Variants in PRTFDC1 observed in about 807,000 individuals in gnomAD.
PRTFDC1 encodes phosphoribosyltransferase domain-containing protein 1.
PRTFDC1 carries 38 observed loss-of-function variants against 34.6 expected under a neutral mutation model. That is an observed-to-expected ratio of 1.10 (90% CI 0.85 to 1.44). The LOEUF (loss-of-function observed/expected upper bound fraction) is 1.44. PRTFDC1 is among the 40% of genes most tolerant of loss of function. The pLI, the probability that PRTFDC1 is intolerant of heterozygous loss-of-function variation, is 0.00. For missense variants in PRTFDC1, 270 were observed against 283.0 expected (o/e 0.95, Z 0.33); for synonymous variants, 93 against 98.1 (o/e 0.95, Z 0.31).
intron 3 of PRTFDC1, among the ~76,000 whole-genome samples, chr10:24,881,787 C>T (rs1848083055): frequency 6.6e-6 from 1 of 152,126 alleles, no homozygotes; most frequent in Non-Finnish European, 1.5e-5. Flanking sequence ...CACCGACCAC[C>T]GTTTTGCACT....
In PRTFDC1 at chr10:24,872,020, T is replaced by C. The variant is rs147688578; in HGVS notation, c.383A>G (p.Asp128Gly). 2.0e-4 allele frequency: 318 copies of C among 1,612,324 alleles called. No individual in the cohort carries two copies. Among genetic ancestry groups the C allele is most frequent in the Non-Finnish European group, 1.6e-4 (192 of 1,178,584 alleles). ...MGEMQIIGGDDLSTLAGKNVL... is the reference protein window; with the variant it reads ...MGEMQIIGGDGLSTLAGKNVL... ...AACCTTTCCAGCCAGCGTTGAAAGATCATCGCCTCCGATTATCTGCATCTC... is the reference window on the plus strand; with the variant it reads ...AACCTTTCCAGCCAGCGTTGAAAGACCATCGCCTCCGATTATCTGCATCTC... The change falls in exon 4 of 9, where the codon GAT (aspartate) becomes GGT (glycine). Residue 128 changes from aspartate to glycine, a missense_variant. Physicochemically the swap from Asp to Gly is moderately conservative, Grantham distance 94. Transcript: ENST00000320152.
Position 24,906,887 on chromosome 10 carries a change from G to A in PRTFDC1, c.339+30297C>T, listed in dbSNP as rs1168133929. Among the ~76,000 whole-genome samples the A allele has an allele frequency of 3.3e-5, 5 of 152,278 alleles. No homozygotes were observed. In the South Asian group the frequency reaches 1.0e-3, roughly 32 times the overall value. On this transcript the variant is annotated intron_variant, in intron 3 of 8. Coordinates refer to ENST00000320152, the MANE Select transcript of PRTFDC1 (RefSeq NM_020200.7). ...GGGAGAAATGGACAAGCTGTCAGGA[G>A]GCTGTGGCACTGTTATTGGCTTTAC...
At chr10:24,900,868 A>T (rs1848439012) in intron 3 of PRTFDC1, among the ~76,000 whole-genome samples, 1 of 152,202 alleles carries the variant, frequency 6.6e-6, no homozygotes, top group Admixed American at 6.5e-5. Context: ...TAAAGCTTGT[A>T]CCTAAAAAGG....
chr10:24,924,051 C>T (rs1588616534), intron 3 of PRTFDC1, among the ~76,000 whole-genome samples: 1 of 152,008 alleles, frequency 6.6e-6, no homozygotes, highest in East Asian at 1.9e-4. Context: ...GAAACGATAT[C>T]AGTGATTGAA....
Position 24,908,791 on chromosome 10 carries a change from C to T in PRTFDC1, c.339+28393G>A. On this transcript the variant is annotated intron_variant, in intron 3 of 8. Transcript: ENST00000320152. ...GCGATCAATGGGGTGACTGATGCCA[C>T]AGCCAGATAGCCCTCACATCCCCCT... 2.1e-6 allele frequency: 3 copies of T among 1,422,780 alleles called. No homozygotes were observed. The South Asian group carries it at 4.5e-5, about 21-fold the overall frequency. 88.1% of individuals were successfully genotyped at this position (1,422,780 alleles called of 1,614,324 possible).
At chr10:24,875,561 T>C (rs1346654988) in intron 3 of PRTFDC1, among the ~76,000 whole-genome samples, 2 of 152,230 alleles carry the variant, frequency 1.3e-5, no homozygotes, top group African/African-American at 4.8e-5. Flanking sequence ...CTTTCATGTA[T>C]ATACATGTTT....
chr10:24,942,950 T>A (rs1470977321), intron 1 of PRTFDC1, among the ~76,000 whole-genome samples: 1 of 152,070 alleles, frequency 6.6e-6, no homozygotes, highest in East Asian at 1.9e-4. Context: ...ACCTGGCCTA[T>A]CATACAATAA....
chr10:24,911,833 C>T (rs998580081), intron 3 of PRTFDC1, among the ~76,000 whole-genome samples: 2 of 151,570 alleles, frequency 1.3e-5, no homozygotes, highest in African/African-American at 4.9e-5. Context: ...CGTCACCGCA[C>T]TCCAGCCTGG....
chr10:24,859,001 C>A (rs998992792), intron 4 of PRTFDC1, among the ~76,000 whole-genome samples: 12 of 152,156 alleles, frequency 7.9e-5, no homozygotes, highest in Non-Finnish European at 1.3e-4. Context: ...ATTCCTCTAC[C>A]TCTCCCCTAA....
intron 3 of PRTFDC1, among the ~76,000 whole-genome samples, chr10:24,917,029 C>T: frequency 6.6e-6 from 1 of 152,186 alleles, no homozygotes; most frequent in East Asian, 1.9e-4. Flanking sequence ...GGCTCTGTCC[C>T]CTTCCCCTTT....
At chr10:24,903,707 C>CTTTTTTTTT (rs112008221) in intron 3 of PRTFDC1, among the ~76,000 whole-genome samples, 78 of 142,630 alleles carry the variant, frequency 5.5e-4, no homozygotes, top group African/African-American at 1.9e-3. Context: ...AAGTTGTATT[C>CTTTTTTTTT]TTTTTTTTTT....
rs539607394 is a variant in PRTFDC1 at position 24,864,462 on chromosome 10, T to C, written c.406-6053A>G. 5.9e-5 allele frequency among the ~76,000 whole-genome samples: 9 copies of C among 152,230 alleles called. No homozygotes were observed. In the East Asian group the frequency reaches 1.7e-3, roughly 29 times the overall value. On this transcript the variant is annotated intron_variant, in intron 4 of 8. Coordinates refer to ENST00000320152, the MANE Select transcript of PRTFDC1 (RefSeq NM_020200.7). ...AATTGCTACAGCCACCCCAACCTTC[T>C]GAAGCACCCACCAGCCTGATCAGTC... is the stretch of plus-strand genomic sequence containing the variant.
intron 3 of PRTFDC1, among the ~76,000 whole-genome samples, chr10:24,880,669 AT>A (rs1475913454): frequency 6.6e-6 from 1 of 152,156 alleles, no homozygotes; most frequent in African/African-American, 2.4e-5. Flanking sequence ...CAATCTATTG[AT>A]TGGCTATCAC....
chr10:24,893,980 G>A (rs1848306233), intron 3 of PRTFDC1, among the ~76,000 whole-genome samples: 1 of 152,196 alleles, frequency 6.6e-6, no homozygotes, highest in South Asian at 2.1e-4. Flanking sequence ...GGCAGAGGAG[G>A]TGCAGAAACT....
chr10:24,921,519 A>C (rs1848787654), intron 3 of PRTFDC1, among the ~76,000 whole-genome samples: 2 of 152,120 alleles, frequency 1.3e-5, no homozygotes, highest in African/African-American at 4.8e-5. Flanking sequence ...CATTTTTAGC[A>C]AAAGTACTGC....
intron 3 of PRTFDC1, among the ~76,000 whole-genome samples, chr10:24,928,047 T>C (rs751116481): frequency 1.3e-5 from 2 of 152,214 alleles, no homozygotes; most frequent in Non-Finnish European, 2.9e-5. Context: ...CAAATCAAGA[T>C]GCATCTTACA....
intron 2 of PRTFDC1, 79 bp from the exon 3 acceptor site, chr10:24,937,446 T>C (rs1193755564): frequency 1.5e-6 from 2 of 1,295,928 alleles, no homozygotes; most frequent in South Asian, 1.5e-5. Flanking sequence ...GCAAGATGTA[T>C]TGTACGTATT....
At chr10:24,893,956 T>G (rs1209984768) in intron 3 of PRTFDC1, among the ~76,000 whole-genome samples, 3 of 152,294 alleles carry the variant, frequency 2.0e-5, no homozygotes, top group Admixed American at 1.3e-4. Flanking sequence ...TCTATTGGAA[T>G]GTACTTGGGT....
chr10:24,902,649 G>C (rs528417495), intron 3 of PRTFDC1, among the ~76,000 whole-genome samples: 11 of 152,226 alleles, frequency 7.2e-5, no homozygotes, highest in African/African-American at 2.2e-4. Flanking sequence ...CAAACTTAGA[G>C]CAAAGAGAAT....
Sources: allele counts gnomAD v4.1 joint callset (sites outside exome capture counted in the v4.1 genomes callset), GRCh38; gene constraint gnomAD v4.1.1; transcripts MANE v1.5; gene names NCBI Gene and HGNC (gene_info 2026-07-23, HGNC 2026-07-21).